Variants in UBE2V2 observed in about 807,000 individuals in gnomAD.
UBE2V2 encodes the protein ubiquitin-conjugating enzyme E2 variant 2.
A neutral mutation model predicts 17.2 loss-of-function variants in UBE2V2; 9 were observed. The ratio of observed to expected loss-of-function variants is 0.52; its 90% confidence interval spans 0.32 to 0.91. The LOEUF (loss-of-function observed/expected upper bound fraction) is 0.91. UBE2V2 is among the 40% of genes least tolerant of loss of function. The probability of loss-of-function intolerance (pLI) is 0.04; values close to 1 mark genes in which losing one functional copy is unlikely to be tolerated. For missense variants in UBE2V2, 133 were observed against 182.6 expected, an observed-to-expected ratio of 0.73 and a Z score of 1.56; for synonymous variants, 61 against 57.5, an observed-to-expected ratio of 1.06 and a Z score of -0.28.
intron 1 of UBE2V2, among the ~76,000 whole-genome samples, chr8:48,018,512 A>G (rs957380584): frequency 1.3e-5 from 2 of 152,214 alleles, no homozygotes; most frequent in African/African-American, 2.4e-5. Flanking sequence ...TGTGGTCAGA[A>G]AAGATATTTG....
intron 1 of UBE2V2, among the ~76,000 whole-genome samples, chr8:48,033,433 G>A (rs2091398220): frequency 6.6e-6 from 1 of 151,960 alleles, no homozygotes; most frequent in South Asian, 2.1e-4. Context: ...TAATCCTCCT[G>A]CCTTGGCCTC....
chr8:48,008,532 C>T, intron 1 of UBE2V2, 62 bp downstream of exon 1: 1 of 1,523,244 alleles, frequency 6.6e-7, no homozygotes, highest in Non-Finnish European at 8.8e-7. Context: ...CCTCCGTCTG[C>T]TGCTGGCGCC....
At chr8:48,016,503 A>G (rs1283172885) in intron 1 of UBE2V2, among the ~76,000 whole-genome samples, 1 of 150,948 alleles carries the variant, frequency 6.6e-6, no homozygotes, top group Middle Eastern at 3.2e-3. Context: ...TTTTTTTGAG[A>G]CGGAGTTTGG....
intron 3 of UBE2V2, among the ~76,000 whole-genome samples, chr8:48,057,661 G>A (rs2154508185): frequency 6.6e-6 from 1 of 152,120 alleles, no homozygotes; most frequent in Admixed American, 6.6e-5. Context: ...GAGGGAAAGG[G>A]GGAGGTAGGA....
chr8:47,997,751 G>A, the UBE2V2 span, among the ~76,000 whole-genome samples: 1 of 151,908 alleles, frequency 6.6e-6, no homozygotes, highest in African/African-American at 2.4e-5. Flanking sequence ...GCTCGAGGAC[G>A]AGTAAGGGGT....
At chr8:48,002,636 G>A in the UBE2V2 span, among the ~76,000 whole-genome samples, 1 of 151,704 alleles carries the variant, frequency 6.6e-6, no homozygotes, top group African/African-American at 2.4e-5. Flanking sequence ...AGAAGGGGAG[G>A]GGAGGGGAAA....
rs752004324 is a variant in UBE2V2, at chr8:48,063,360, T to G, written c.*2532T>G. On this transcript the variant is annotated 3_prime_UTR_variant, in exon 4 of 4. Coordinates refer to ENST00000523111, the MANE Select transcript of UBE2V2 (RefSeq NM_003350.3). ...AAGAGGAATTAATATAGAAAAGCTC[T>G]TAATTATAATAACATTTGGAAGAAA... The G allele has an allele frequency of 2.0e-5, 3 of 152,218 alleles. No homozygotes were observed. Among genetic ancestry groups the G allele is most frequent in the Non-Finnish European group, 4.4e-5 (3 of 68,010 alleles). The allele number at this position is 152,218 out of a possible 1,614,324, so 9.4% of individuals were successfully genotyped here.
At chr8:48,012,988 G>C (rs2091244223) in intron 1 of UBE2V2, among the ~76,000 whole-genome samples, 1 of 151,578 alleles carries the variant, frequency 6.6e-6, no homozygotes. Context: ...TGGGATTACA[G>C]GTGTGTGCTG....
At chr8:48,025,326 G>A (rs1165084187) in intron 1 of UBE2V2, among the ~76,000 whole-genome samples, 1 of 151,038 alleles carries the variant, frequency 6.6e-6, no homozygotes, top group Non-Finnish European at 1.5e-5. Flanking sequence ...GGAGTGTAGT[G>A]GTGCGATCTC....
chr8:48,037,005 C>G (rs926396075), intron 1 of UBE2V2, among the ~76,000 whole-genome samples: 5 of 151,992 alleles, frequency 3.3e-5, no homozygotes, highest in African/African-American at 1.2e-4. Context: ...ATGGCGAAAC[C>G]CCGTCTCTAC....
At chr8:48,030,739 T>C (rs866622175) in intron 1 of UBE2V2, among the ~76,000 whole-genome samples, 11 of 150,314 alleles carry the variant, frequency 7.3e-5, no homozygotes, top group African/African-American at 2.4e-4. Flanking sequence ...AAACAAAAAC[T>C]GGCTAGGCAT....
rs7015406 is a variant in UBE2V2, at chr8:48,008,628, C to T, written c.16+158C>T. ...GAGCGTAGCCTGGGACCGGGTGGGA[C>T]CGGCGCCGAGGCCCCGGCGGCCGTC... On this transcript the variant is annotated intron_variant, in intron 1 of 3. Transcript: ENST00000523111. 59 of 1,101,278 alleles carry T rather than the reference C, an allele frequency of 5.4e-5. No homozygotes were observed. The African/African-American group carries it at 7.0e-4, about 13-fold the overall frequency. The allele number at this position is 1,101,278 out of a possible 1,614,324, so 68.2% of individuals were successfully genotyped here.
At chr8:48,053,997 G>T (rs1481777163) in intron 3 of UBE2V2, among the ~76,000 whole-genome samples, 1 of 151,610 alleles carries the variant, frequency 6.6e-6, no homozygotes, top group Non-Finnish European at 1.5e-5. Flanking sequence ...TAGAGATGGG[G>T]TTTCACCACG....
intron 1 of UBE2V2, among the ~76,000 whole-genome samples, chr8:48,027,140 A>C (rs1023402146): frequency 1.3e-5 from 2 of 151,956 alleles, no homozygotes; most frequent in Non-Finnish European, 2.9e-5. Context: ...AGCTTGGATG[A>C]CAAGCCTGCG....
At chr8:48,056,584 G>T (rs113999431) in intron 3 of UBE2V2, among the ~76,000 whole-genome samples, 1 of 152,092 alleles carries the variant, frequency 6.6e-6, no homozygotes, top group East Asian at 1.9e-4. Context: ...AGGAGACAGG[G>T]TTTCGTCATC....
At chr8:48,025,630 T>A (rs2091338641) in intron 1 of UBE2V2, among the ~76,000 whole-genome samples, 1 of 150,124 alleles carries the variant, frequency 6.7e-6, no homozygotes, top group Non-Finnish European at 1.5e-5. Context: ...GATGGAGTCT[T>A]GCTCTGTTGC....
At chr8:48,031,996 A>G (rs1019937646) in intron 1 of UBE2V2, among the ~76,000 whole-genome samples, 1 of 152,210 alleles carries the variant, frequency 6.6e-6, no homozygotes, top group Non-Finnish European at 1.5e-5. Flanking sequence ...ACACATTGAA[A>G]TATCCGAAGT....
intron 3 of UBE2V2, among the ~76,000 whole-genome samples, chr8:48,057,596 C>G (rs2091581492): frequency 6.6e-6 from 1 of 152,100 alleles, no homozygotes; most frequent in Non-Finnish European, 1.5e-5. Flanking sequence ...AGCCACTGCA[C>G]CCGACCTTTA....
At chr8:47,997,887 G>C in the UBE2V2 span, among the ~76,000 whole-genome samples, 16 of 151,904 alleles carry the variant, frequency 1.1e-4, no homozygotes, top group Non-Finnish European at 1.8e-4. Flanking sequence ...TCAAGGAGGG[G>C]AAAAATCAGT....
Sources: allele counts gnomAD v4.1 joint callset (sites outside exome capture counted in the v4.1 genomes callset), GRCh38; gene constraint gnomAD v4.1.1; transcripts MANE v1.5; gene names NCBI Gene and HGNC (gene_info 2026-07-23, HGNC 2026-07-21).